PKHD1L1: variants seen among roughly 807,000 people sequenced by gnomAD.
PKHD1L1 encodes the protein PKHD1 like 1, also known as fibrocystin-L.
A neutral mutation model predicts 462.9 loss-of-function variants in PKHD1L1; 434 were observed. The observed-to-expected ratio is 0.94, with a 90% confidence interval of 0.87 to 1.02. The LOEUF (loss-of-function observed/expected upper bound fraction) is 1.02. Among genes scored for constraint, PKHD1L1 ranks in the 50% least tolerant of loss-of-function variants. The pLI, the probability that PKHD1L1 is intolerant of heterozygous loss-of-function variation, is 0.00. For synonymous variants in PKHD1L1, 1,781 were observed against 1,750.0 expected, an observed-to-expected ratio of 1.02 and a Z score of -0.44; for missense variants, 5,202 against 5,096.1, an observed-to-expected ratio of 1.02 and a Z score of -0.63.
intron 4 of PKHD1L1, among the ~76,000 whole-genome samples, chr8:109,383,194 ATAAT>A (rs1466343923): frequency 1.1e-5 from 1 of 92,306 alleles, no homozygotes; most frequent in Non-Finnish European, 2.1e-5. Context: ...ATAATTATAT[ATAAT>A]TATATATTAT....
At position 109,381,929 on chromosome 8, in the gene PKHD1L1, G is replaced by A. The variant is rs2130417008; in HGVS notation, c.308+415G>A. Among the ~76,000 whole-genome samples the A allele has an allele frequency of 2.0e-5, 3 of 152,160 alleles. 1 individual carries two copies. The highest frequency in any genetic ancestry group is 6.8e-3 in the Middle Eastern group (2 of 294). Reference sequence around the variant, plus strand: ...TGACATTTCAAGTTCTTTACTATCAGCCCAAATTCATGTATGTTATTAGCA... The same window carrying A: ...TGACATTTCAAGTTCTTTACTATCAACCCAAATTCATGTATGTTATTAGCA... On this transcript the variant is annotated intron_variant, in intron 3 of 77. Coordinates refer to ENST00000378402, the MANE Select transcript of PKHD1L1 (RefSeq NM_177531.6).
rs1563754802 is a variant in PKHD1L1, at chr8:109,419,143, T to G, written c.2407T>G (p.Tyr803Asp). The G allele has an allele frequency of 6.2e-7, 1 of 1,613,518 alleles. No individual in the cohort carries two copies. Among genetic ancestry groups the G allele is most frequent in the Non-Finnish European group, 8.5e-7 (1 of 1,179,644 alleles). ...CCTTCTGGATCTCGTAAGAACGAAA[T>G]ACACTGGGACAAATGTTTCTCTTCA... ...IDLLDLVRTK[Y>D]TGTNVSLQRI... The change falls in exon 22 of 78, where the codon TAC (tyrosine) becomes GAC (aspartate). Residue 803 changes from tyrosine to aspartate, a missense_variant. Tyr to Asp is a radical substitution (Grantham distance 160). Transcript: ENST00000378402.
rs1018854924 is a variant in PKHD1L1, at chr8:109,536,747, T to A, written c.*6657T>A. Among the ~76,000 whole-genome samples the A allele has an allele frequency of 6.6e-6, 1 of 152,216 alleles. No homozygotes were observed. Among genetic ancestry groups the A allele is most frequent in the Admixed American group, 6.5e-5 (1 of 15,284 alleles). ...TGAAGAAAACTGGTTAACTCTAAAT[T>A]GTTACTAAATTTTGAATCTTCCTGT... On this transcript the variant is annotated 3_prime_UTR_variant, in exon 78 of 78. Coordinates refer to ENST00000378402, the MANE Select transcript of PKHD1L1 (RefSeq NM_177531.6).
intron 5 of PKHD1L1, 103 bp downstream of exon 5, chr8:109,384,230 A>T (rs1812315464): frequency 2.1e-6 from 2 of 936,558 alleles, no homozygotes; most frequent in South Asian, 1.5e-5. Flanking sequence ...TTTAAATAGC[A>T]TTTTTTTCAT....
At chr8:109,380,256 C>T (rs189911706) in intron 2 of PKHD1L1, among the ~76,000 whole-genome samples, 10 of 152,260 alleles carry the variant, frequency 6.6e-5, no homozygotes, top group Admixed American at 4.6e-4. Context: ...GAGCTCTCAG[C>T]TGGCTACCAC....
At position 109,423,766 on chromosome 8, in the gene PKHD1L1, C is replaced by G. The variant is rs1030738538; in HGVS notation, c.2698-1319C>G. Among the ~76,000 whole-genome samples, 5 of 152,244 alleles carry G rather than the reference C, an allele frequency of 3.3e-5. No individual in the cohort carries two copies. The East Asian group carries it at 9.6e-4, about 29-fold the overall frequency. ...CTTCCAATCCATGAACACAGTATGT[C>G]TCTCCAATTATTTGTCCTCTTCGTG... On this transcript the variant is annotated intron_variant, in intron 23 of 77. Coordinates refer to ENST00000378402, the MANE Select transcript of PKHD1L1 (RefSeq NM_177531.6).
intron 6 of PKHD1L1, among the ~76,000 whole-genome samples, chr8:109,386,251 G>T (rs538175584): frequency 1.3e-5 from 2 of 152,184 alleles, no homozygotes; most frequent in Non-Finnish European, 2.9e-5. Context: ...GTTGTCACTA[G>T]AGTTTCCTCC....
intron 53 of PKHD1L1, 68 bp from the exon 54 acceptor site, chr8:109,479,483 A>G (rs1348724521): frequency 9.3e-7 from 1 of 1,069,984 alleles, no homozygotes; most frequent in Non-Finnish European, 1.4e-6. Context: ...GGAACGGTTT[A>G]CATTTTAGAC....
intron 4 of PKHD1L1, among the ~76,000 whole-genome samples, chr8:109,383,104 A>T (rs1812213749): frequency 8.3e-6 from 1 of 120,244 alleles, no homozygotes; most frequent in Non-Finnish European, 1.6e-5. Flanking sequence ...ATAATATATA[A>T]ATAGTTATAT....
At chr8:109,497,635 C>A (rs931411232) in intron 65 of PKHD1L1, among the ~76,000 whole-genome samples, 1 of 151,992 alleles carries the variant, frequency 6.6e-6, no homozygotes, top group Non-Finnish European at 1.5e-5. Flanking sequence ...ACTGTGTTAG[C>A]CAGGATGGTC....
At chr8:109,493,563 T>C in intron 62 of PKHD1L1, 98 bp from the exon 63 acceptor site, 1 of 609,920 alleles carries the variant, frequency 1.6e-6, no homozygotes, top group Non-Finnish European at 2.6e-6. Flanking sequence ...TAGTCATAAT[T>C]AAAGGTTTTC....
intron 2 of PKHD1L1, among the ~76,000 whole-genome samples, chr8:109,370,977 A>G (rs1015810293): frequency 3.3e-5 from 5 of 152,196 alleles, no homozygotes; most frequent in Non-Finnish European, 5.9e-5. Context: ...ATACGTGTGC[A>G]TGTGTCTTTA....
At chr8:109,528,205 C>G (rs1159720874) in intron 77 of PKHD1L1, among the ~76,000 whole-genome samples, 1 of 152,108 alleles carries the variant, frequency 6.6e-6, no homozygotes, top group Non-Finnish European at 1.5e-5. Context: ...CACTCAAGAA[C>G]AGGGACATGA....
chr8:109,442,954 T>TTTTA lies in PKHD1L1; in HGVS notation c.4402_4403insTTTA (p.Ser1468PhefsTer14). On this transcript the variant is annotated frameshift_variant, in exon 36 of 78. Coordinates refer to ENST00000378402, the MANE Select transcript of PKHD1L1 (RefSeq NM_177531.6). LOFTEE classifies it high-confidence loss of function. ...ATCTCATTTTATGGCAGGTTCATTTTCTTACCAATTTACTTCTCCTGGAAT... is the reference window on the plus strand; with the variant it reads ...ATCTCATTTTATGGCAGGTTCATTTTTTTACTTACCAATTTACTTCTCCTGGAAT... The TTTTA allele has an allele frequency of 6.2e-7, 1 of 1,613,160 alleles. No individual in the cohort carries two copies. Among genetic ancestry groups the TTTTA allele is most frequent in the Non-Finnish European group, 8.5e-7 (1 of 1,179,344 alleles).
chr8:109,377,284 A>G (rs1428285430), intron 2 of PKHD1L1, among the ~76,000 whole-genome samples: 1 of 152,196 alleles, frequency 6.6e-6, no homozygotes, highest in Non-Finnish European at 1.5e-5. Context: ...TTATAGCACT[A>G]TTTGTCACAT....
At chr8:109,505,913 A>T (rs1185762019) in intron 68 of PKHD1L1, among the ~76,000 whole-genome samples, 2 of 152,102 alleles carry the variant, frequency 1.3e-5, no homozygotes, top group African/African-American at 2.4e-5. Context: ...TCAGAAAAAA[A>T]GTAGGCACCT....
rs1252305069 is a variant in PKHD1L1 at position 109,518,378 on chromosome 8, G to T, written c.11901G>T (p.Lys3967Asn). 1 of 1,613,288 alleles carries T rather than the reference G, an allele frequency of 6.2e-7. No individual in the cohort carries two copies. The highest frequency in any genetic ancestry group is 8.5e-7 in the Non-Finnish European group (1 of 1,179,516). ...TTAAAAATCTTGCCTTGTTCCTAAA[G>T]ATACCAAGTGACAAAATCCGTATCA... ...NLVKNLALFL[K>N]IPSDKIRISK... The change falls in exon 73 of 78, where the codon AAG becomes AAT. Residue 3967 changes from lysine (K) to asparagine (N), a missense_variant. By Grantham distance (94) the Lys-to-Asn change is moderately conservative. Coordinates refer to ENST00000378402, the MANE Select transcript of PKHD1L1 (RefSeq NM_177531.6).
intron 22 of PKHD1L1, 142 bp from the exon 23 acceptor site, chr8:109,420,376 A>G: frequency 1.9e-6 from 1 of 514,798 alleles, no homozygotes; most frequent in Non-Finnish European, 3.3e-6. Context: ...TAAATACTTC[A>G]TGACAATGTT....
chr8:109,506,955 G>A lies in PKHD1L1; in HGVS notation c.10995-708G>A, dbSNP rs189183366. Among the ~76,000 whole-genome samples, 10 of 152,138 alleles carry A rather than the reference G, an allele frequency of 6.6e-5. No individual in the cohort carries two copies. In the East Asian group the frequency reaches 1.4e-3, roughly 21 times the overall value. On this transcript the variant is annotated intron_variant, in intron 68 of 77. Coordinates refer to ENST00000378402, the MANE Select transcript of PKHD1L1 (RefSeq NM_177531.6). ...AGGTAACAATCAATCAACACTCCAG[G>A]TAACTCAAGATGAGGCCAAAATACC... is the stretch of plus-strand genomic sequence containing the variant.
Sources: gnomAD v4.1 joint callset for allele counts (sites outside exome capture counted in the v4.1 genomes callset) on GRCh38, gnomAD v4.1.1 for gene constraint, MANE v1.5 for transcripts, NCBI Gene and HGNC (gene_info 2026-07-23, HGNC 2026-07-21) for gene names.